CACNA1C: variants seen among roughly 807,000 people sequenced by gnomAD.
The protein encoded by CACNA1C is voltage-dependent L-type calcium channel subunit alpha-1C.
Under a neutral mutation model 229.0 loss-of-function variants are expected in CACNA1C, and 30 were observed. The ratio of observed to expected loss-of-function variants is 0.13; its 90% CI spans 0.10 to 0.18. The LOEUF is 0.18. Among genes scored for constraint, CACNA1C ranks in the 10% least tolerant of loss-of-function variants. The pLI is 1.00. For missense variants in CACNA1C, 1,658 were observed against 2,845.0 expected, an observed-to-expected ratio of 0.58 and a Z score of 9.49; for synonymous variants, 1,114 against 1,132.5, an observed-to-expected ratio of 0.98 and a Z score of 0.33.
At chr12:2,337,465 G>T (rs1373111000) in intron 3 of CACNA1C, among the ~76,000 whole-genome samples, 1 of 152,176 alleles carries the variant, frequency 6.6e-6, no homozygotes, top group South Asian at 2.1e-4. Flanking sequence ...TATCATGGAG[G>T]CTGGGATAGT....
At chr12:2,598,432 A>G (rs2069818913) in intron 21 of CACNA1C, among the ~76,000 whole-genome samples, 1 of 152,160 alleles carries the variant, frequency 6.6e-6, no homozygotes, top group Non-Finnish European at 1.5e-5. Flanking sequence ...TTCATCTGAG[A>G]GTCAGGGTGT....
At position 2,688,791 on chromosome 12, in the gene CACNA1C, G is replaced by A. The variant is rs768628781; in HGVS notation, c.6117+12G>A. On this transcript the variant is annotated intron_variant, in intron 46 of 46. Transcript: ENST00000399655. ...GCCTGGTGGAAGCGGTAGGTGACTC[G>A]CAGATGGGCAGGGGGGAGAGGCCAC... The A allele has an allele frequency of 2.5e-5, 37 of 1,493,240 alleles. No individual in the cohort carries two copies. The highest frequency in any genetic ancestry group is 1.8e-4 in the African/African-American group (13 of 71,956). 92.5% of individuals were successfully genotyped at this position (1,493,240 alleles called of 1,614,324 possible).
chr12:2,352,753 C>A (rs1034451989), intron 3 of CACNA1C, among the ~76,000 whole-genome samples: 1 of 151,932 alleles, frequency 6.6e-6, no homozygotes, highest in Admixed American at 6.6e-5. Context: ...CTCTGTGGAC[C>A]GTTGAGTGTC....
intron 1 of CACNA1C, among the ~76,000 whole-genome samples, chr12:1,983,683 G>T (rs1461417646): frequency 6.6e-6 from 1 of 152,024 alleles, no homozygotes; most frequent in Non-Finnish European, 1.5e-5. Context: ...CACTTGAGAA[G>T]AACGTCCATT....
At chr12:2,277,563 G>A (rs1028549159) in intron 3 of CACNA1C, among the ~76,000 whole-genome samples, 1 of 152,182 alleles carries the variant, frequency 6.6e-6, no homozygotes, top group Non-Finnish European at 1.5e-5. Context: ...GGCAGCAACA[G>A]TGGGGTCCAC....
intron 3 of CACNA1C, among the ~76,000 whole-genome samples, chr12:2,395,714 G>A: frequency 6.6e-6 from 1 of 152,076 alleles, no homozygotes; most frequent in Non-Finnish European, 1.5e-5. Flanking sequence ...GGCTTCCCAT[G>A]TATTCCTTTC....
chr12:2,610,468 A>G (rs1245395876), intron 27 of CACNA1C, 73 bp from the exon 28 acceptor site: 27 of 1,493,740 alleles, frequency 1.8e-5, no homozygotes, highest in South Asian at 5.0e-5. Context: ...CACATCCCAC[A>G]CTTCTCTGCC....
At chr12:2,363,903 AC>A (rs2097649067) in intron 3 of CACNA1C, among the ~76,000 whole-genome samples, 1 of 152,178 alleles carries the variant, frequency 6.6e-6, no homozygotes, top group South Asian at 2.1e-4. Context: ...GACCCCCTGA[AC>A]AACAGTAGCA....
rs771053661 is a variant in CACNA1C at position 2,668,934 on chromosome 12, G to A, written c.4625G>A (p.Arg1542His). Reference sequence around the variant, plus strand: ...AGCTTTGCTTCTCTTCGCCTGCAGCGCCTGGTCTCCATGAACATGCCTCTG... The same window carrying A: ...AGCTTTGCTTCTCTTCGCCTGCAGCACCTGGTCTCCATGAACATGCCTCTG... ...KLCPHRVACK[R>H]LVSMNMPLNS... The change falls in exon 38 of 47, where the codon CGC (arginine) becomes CAC (histidine). Residue 1542 changes from arginine (R) to histidine (H), a missense_variant and splice_region_variant. By Grantham distance (29) the Arg-to-His change is conservative. Around this residue, in one of 20 missense-constraint regions of CACNA1C, gnomAD observed 151 missense variants for 344.4 expected, o/e 0.44. Coordinates refer to ENST00000399655, the MANE Select transcript of CACNA1C (RefSeq NM_000719.7). 1.2e-6 allele frequency: 2 copies of A among 1,612,220 alleles called. No homozygotes were observed. The highest frequency in any genetic ancestry group is 8.5e-7 in the Non-Finnish European group (1 of 1,178,292).
intron 3 of CACNA1C, among the ~76,000 whole-genome samples, chr12:2,175,064 A>AACCTGTGTT (rs2096607232): frequency 6.6e-6 from 1 of 152,156 alleles, no homozygotes; most frequent in South Asian, 2.1e-4. Flanking sequence ...GTGTTGTTCA[A>AACCTGTGTT]GGTCAGCTGT....
intron 38 of CACNA1C, chr12:2,672,153 C>T (rs889233730): frequency 2.6e-5 from 4 of 152,180 alleles, no homozygotes; most frequent in Non-Finnish European, 4.4e-5. Context: ...GCTGTCATCC[C>T]AAGTCCAGTA....
intron 3 of CACNA1C, among the ~76,000 whole-genome samples, chr12:2,438,259 GAT>G (rs2099167372): frequency 6.8e-6 from 1 of 147,280 alleles, no homozygotes; most frequent in African/African-American, 2.6e-5. Flanking sequence ...TAATGATGGT[GAT>G]GGTGGTGGTG....
Position 2,692,200 on chromosome 12 carries a change from T to G in CACNA1C, c.*1001T>G, listed in dbSNP as rs1407695280. On this transcript the variant is annotated 3_prime_UTR_variant, in exon 47 of 47. Coordinates refer to ENST00000399655, the MANE Select transcript of CACNA1C (RefSeq NM_000719.7). The stretch of plus-strand genomic sequence containing the variant: ...AATAATTTGTTATCATTTCCTTAGG[T>G]AGTAACCTATTTTTGTTCTGGTTTG... 6.6e-6 allele frequency: 1 copy of G among 152,230 alleles called. No homozygotes were observed. The allele number at this position is 152,230 out of a possible 1,614,324, so 9.4% of individuals were successfully genotyped here.
chr12:2,041,267 A>ATTATTTTT (rs2050023838), intron 1 of CACNA1C, among the ~76,000 whole-genome samples: 2 of 99,382 alleles, frequency 2.0e-5, no homozygotes, highest in African/African-American at 9.8e-5. Context: ...TGCTAAGGGT[A>ATTATTTTT]TTCTTTTTTT....
rs139560063 is a variant in CACNA1C, at chr12:2,578,943, G to A, written c.1896-2647G>A. Among the ~76,000 whole-genome samples the A allele has an allele frequency of 2.6e-3, 402 of 152,204 alleles. 1 individual carries two copies. Among genetic ancestry groups the A allele is most frequent in the African/African-American group, 8.8e-3 (366 of 41,534 alleles). On this transcript the variant is annotated intron_variant, in intron 13 of 46. Transcript: ENST00000399655. The stretch of plus-strand genomic sequence containing the variant: ...GCTCCATCTCTGCCTTCCCAGGAGT[G>A]TTCTCCCCTCTTAGAGACTGGATCT...
chr12:2,368,532 C>A (rs1473036191), intron 3 of CACNA1C, among the ~76,000 whole-genome samples: 1 of 152,114 alleles, frequency 6.6e-6, no homozygotes, highest in African/African-American at 2.4e-5. Flanking sequence ...ACAACAATTA[C>A]AAAACTTTTA....
rs555182570 is a variant in CACNA1C at position 2,310,340 on chromosome 12, G to C, written c.478-138636G>C. Among the ~76,000 whole-genome samples the C allele has an allele frequency of 2.3e-5, 3 of 130,792 alleles. No individual in the cohort carries two copies. In the South Asian group the frequency reaches 8.0e-4, roughly 35 times the overall value. 85.8% of individuals were successfully genotyped at this position (130,792 alleles called of 152,430 possible). ...ATCCTGTCCTGTCCTCTGCCTCCCA[G>C]TTAAAAAAAAAAATATATATATATA... On this transcript the variant is annotated intron_variant, in intron 3 of 46. Coordinates refer to ENST00000399655, the MANE Select transcript of CACNA1C (RefSeq NM_000719.7).
At chr12:2,103,239 A>G (rs181940321) in intron 1 of CACNA1C, among the ~76,000 whole-genome samples, 22 of 152,326 alleles carry the variant, frequency 1.4e-4, no homozygotes, top group African/African-American at 4.6e-4. Flanking sequence ...CATCCTTTCC[A>G]GCATCTGTTG....
chr12:2,380,014 G>A (rs2098192170), intron 3 of CACNA1C, among the ~76,000 whole-genome samples: 1 of 81,694 alleles, frequency 1.2e-5, no homozygotes, highest in South Asian at 3.3e-4. Flanking sequence ...CTGGGCGACA[G>A]AGCGAGACTC....
Sources: allele counts gnomAD v4.1 joint callset (sites outside exome capture counted in the v4.1 genomes callset), GRCh38; gene constraint gnomAD v4.1.1; regional missense constraint gnomAD v4.1.1; transcripts MANE v1.5; gene names NCBI Gene and HGNC (gene_info 2026-07-23, HGNC 2026-07-21).